Variants in CCDC60 observed in about 807,000 individuals in gnomAD.
The protein encoded by CCDC60 is coiled-coil domain containing 60.
CCDC60 carries 54 observed loss-of-function variants against 63.5 expected under a neutral mutation model. The ratio of observed to expected loss-of-function variants is 0.85; its 90% CI spans 0.68 to 1.07. CCDC60 has a LOEUF of 1.07. CCDC60 is among the 50% of genes least tolerant of loss of function. CCDC60 has a pLI of 0.00. For synonymous variants in CCDC60, 206 were observed against 238.8 expected (o/e 0.86, Z 1.27); for missense variants, 651 against 684.3 (o/e 0.95, Z 0.54).
chr12:119,395,259 TATTAGTGC>T (rs948275975), intron 1 of CCDC60, among the ~76,000 whole-genome samples: 3 of 152,238 alleles, frequency 2.0e-5, no homozygotes, highest in African/African-American at 4.8e-5. Context: ...AGAGCATGTG[TATTAGTGC>T]ATTATTGCAC....
chr12:119,350,284 G>A (rs1461412356), intron 1 of CCDC60, among the ~76,000 whole-genome samples: 2 of 151,910 alleles, frequency 1.3e-5, no homozygotes, highest in African/African-American at 4.8e-5. Context: ...TGCAACCACC[G>A]CCTCCTGGGT....
chr12:119,471,466 G>A (rs570053605), intron 2 of CCDC60, among the ~76,000 whole-genome samples: 1 of 152,326 alleles, frequency 6.6e-6, no homozygotes, highest in Admixed American at 6.5e-5. Flanking sequence ...CATGCATGAT[G>A]GTATCTGATC....
At chr12:119,450,974 G>A (rs1279580266) in intron 2 of CCDC60, among the ~76,000 whole-genome samples, 1 of 152,176 alleles carries the variant, frequency 6.6e-6, no homozygotes, top group East Asian at 1.9e-4. Flanking sequence ...GCATCATTGG[G>A]AGAAAGAGGT....
rs1401984083 is a variant in CCDC60, at chr12:119,505,135, C to T, written c.715C>T (p.Leu239Phe). ...NRKPSRRGSTLSLSRASGGSS... is the reference protein window; with the variant it reads ...NRKPSRRGSTFSLSRASGGSS... Reference sequence around the variant, plus strand: ...CAAACCAAGCCGGCGAGGCTCCACACTCAGTCTGAGTCGGGCCAGTGGGGG... The same window carrying T: ...CAAACCAAGCCGGCGAGGCTCCACATTCAGTCTGAGTCGGGCCAGTGGGGG... Residue 239 changes from leucine to phenylalanine, a missense_variant, in exon 7 of 14, where the codon CTC (leucine) becomes TTC (phenylalanine). Leu to Phe is a conservative substitution (Grantham distance 22). Transcript: ENST00000327554. 1 of 1,613,864 alleles carries T rather than the reference C, an allele frequency of 6.2e-7. No individual in the cohort carries two copies. Among genetic ancestry groups the T allele is most frequent in the Non-Finnish European group, 8.5e-7 (1 of 1,179,934 alleles).
At chr12:119,478,026 C>T (rs1409483795) in intron 3 of CCDC60, among the ~76,000 whole-genome samples, 1 of 151,972 alleles carries the variant, frequency 6.6e-6, no homozygotes, top group South Asian at 2.1e-4. Context: ...AAAATATATA[C>T]CCCACAGCCA....
chr12:119,438,493 A>C (rs1048421654), intron 2 of CCDC60, among the ~76,000 whole-genome samples: 5 of 152,202 alleles, frequency 3.3e-5, no homozygotes, highest in African/African-American at 1.2e-4. Flanking sequence ...TGTGGGTTCA[A>C]ATCCTAACTC....
chr12:119,507,551 C>CAT lies in CCDC60; in HGVS notation c.883+2265_883+2266dup, dbSNP rs781735897. 1.1e-3 allele frequency among the ~76,000 whole-genome samples: 73 copies of CAT among 68,846 alleles called. 5 individuals are homozygous for CAT. The highest frequency in any genetic ancestry group is 3.0e-3 in the South Asian group (5 of 1,694). 45.2% of individuals were successfully genotyped at this position (68,846 alleles called of 152,430 possible). A position where few individuals can be genotyped will look rare whatever the true frequency, so the allele number is the denominator to read the frequency against. ...ACACATATATATACACATATATATACATATATATATATATATATGTATATA... is the reference window on the plus strand; with the variant it reads ...ACACATATATATACACATATATATACATATATATATATATATATATGTATATA... On this transcript the variant is annotated intron_variant, in intron 7 of 13. Transcript: ENST00000327554.
chr12:119,464,300 ACC>A (rs150577538), intron 2 of CCDC60, among the ~76,000 whole-genome samples: 4 of 53,598 alleles, frequency 7.5e-5, no homozygotes, highest in African/African-American at 2.3e-4. Flanking sequence ...TGCAAGAGCA[ACC>A]CCCCCCCCAC....
At chr12:119,389,485 A>G (rs1218453319) in intron 1 of CCDC60, among the ~76,000 whole-genome samples, 2 of 152,102 alleles carry the variant, frequency 1.3e-5, no homozygotes, top group African/African-American at 4.8e-5. Context: ...CTGTGGTGCC[A>G]GCAGGGTTGA....
chr12:119,491,790 T>C (rs936673238), intron 5 of CCDC60, among the ~76,000 whole-genome samples: 1 of 152,084 alleles, frequency 6.6e-6, no homozygotes, highest in Non-Finnish European at 1.5e-5. Context: ...TGACAGCATT[T>C]CATCTCCCTA....
At chr12:119,343,408 C>T (rs910966283) in intron 1 of CCDC60, among the ~76,000 whole-genome samples, 5 of 151,976 alleles carry the variant, frequency 3.3e-5, no homozygotes, top group Non-Finnish European at 5.9e-5. Flanking sequence ...TCAGCATTGT[C>T]AGGGGTTTCA....
At chr12:119,480,654 C>T (rs891594434) in intron 4 of CCDC60, among the ~76,000 whole-genome samples, 1 of 151,640 alleles carries the variant, frequency 6.6e-6, no homozygotes, top group Admixed American at 6.6e-5. Context: ...CCATCATCAT[C>T]ACCAGCATCA....
intron 1 of CCDC60, among the ~76,000 whole-genome samples, chr12:119,387,039 C>T (rs1225104057): frequency 7.1e-6 from 1 of 141,642 alleles, no homozygotes; most frequent in Non-Finnish European, 1.5e-5. Flanking sequence ...CTCTCTCACA[C>T]ACACACACAC....
At chr12:119,417,928 G>A (rs572811238) in intron 1 of CCDC60, among the ~76,000 whole-genome samples, 54 of 152,164 alleles carry the variant, frequency 3.5e-4, no homozygotes, top group Middle Eastern at 3.4e-3. Flanking sequence ...TGACATTTAC[G>A]GAAGACCCAA....
chr12:119,536,541 A>G lies in CCDC60; in HGVS notation c.1552-4073A>G, dbSNP rs1465306593. Reference sequence around the variant, plus strand: ...TCTTTACAATTTGGCATGTTTTTGCAGTGGCTGGTACCGGTTGTTCCTTTT... The same window carrying G: ...TCTTTACAATTTGGCATGTTTTTGCGGTGGCTGGTACCGGTTGTTCCTTTT... On this transcript the variant is annotated intron_variant, in intron 13 of 13. Transcript: ENST00000327554. Among the ~76,000 whole-genome samples, 5 of 152,158 alleles carry G rather than the reference A, an allele frequency of 3.3e-5. No homozygotes were observed. In the East Asian group the frequency reaches 9.6e-4, roughly 29 times the overall value.
At chr12:119,433,244 T>G in intron 2 of CCDC60, 1 of 608,210 alleles carries the variant, frequency 1.6e-6, no homozygotes. Context: ...CCCAGTAGAA[T>G]AGAGGGGATT....
intron 1 of CCDC60, among the ~76,000 whole-genome samples, chr12:119,383,236 A>G (rs1460053894): frequency 6.6e-6 from 1 of 152,202 alleles, no homozygotes; most frequent in Non-Finnish European, 1.5e-5. Context: ...GTGAGATTCT[A>G]TCTCTACAAA....
intron 5 of CCDC60, among the ~76,000 whole-genome samples, chr12:119,498,172 C>A: frequency 6.6e-6 from 1 of 152,120 alleles, no homozygotes; most frequent in Non-Finnish European, 1.5e-5. Context: ...GATCTCCATG[C>A]CATGAGAAGT....
At chr12:119,449,620 C>G (rs574985353) in intron 2 of CCDC60, among the ~76,000 whole-genome samples, 1 of 152,132 alleles carries the variant, frequency 6.6e-6, no homozygotes, top group East Asian at 1.9e-4. Context: ...AATAGATATT[C>G]TTTAAGTAGT....
Sources: gnomAD v4.1 joint callset for allele counts (sites outside exome capture counted in the v4.1 genomes callset) on GRCh38, gnomAD v4.1.1 for gene constraint, MANE v1.5 for transcripts, NCBI Gene and HGNC (gene_info 2026-07-23, HGNC 2026-07-21) for gene names.